The following C4orf51 variants were observed in gnomAD, a reference collection of about 807,000 sequenced individuals.
C4orf51 encodes the protein uncharacterized protein C4orf51.
C4orf51 carries 25 observed loss-of-function variants against 25.2 expected under a neutral mutation model. That is an observed-to-expected ratio of 0.99 (90% CI 0.72 to 1.39). C4orf51 has a LOEUF of 1.39. Among genes scored for constraint, C4orf51 ranks in the 40% most tolerant of loss-of-function variants. The pLI is 0.00. For missense variants in C4orf51, 252 were observed against 239.6 expected, an observed-to-expected ratio of 1.05 and a Z score of -0.34; for synonymous variants, 100 against 84.5, an observed-to-expected ratio of 1.18 and a Z score of -1.01.
chr4:145,686,353 A>C (rs1729150808), intron 1 of C4orf51, among the ~76,000 whole-genome samples: 1 of 152,228 alleles, frequency 6.6e-6, no homozygotes, highest in Non-Finnish European at 1.5e-5. Context: ...AACATTGTGA[A>C]TGTTCTTACT....
intron 1 of C4orf51, among the ~76,000 whole-genome samples, chr4:145,770,334 AT>A (rs57830557): frequency 0.36 from 53,562 of 149,520 alleles, 10,810 homozygotes; most frequent in Non-Finnish European, 0.47. Context: ...AAATAAATAA[AT>A]AAATAAATAA....
chr4:145,718,391 A>C (rs1306110474), intron 2 of C4orf51, among the ~76,000 whole-genome samples: 1 of 152,248 alleles, frequency 6.6e-6, no homozygotes, highest in Non-Finnish European at 1.5e-5. Flanking sequence ...GACAAGAACC[A>C]AGTAATATTC....
chr4:145,695,909 G>T (rs969034025), intron 1 of C4orf51, among the ~76,000 whole-genome samples: 1 of 152,174 alleles, frequency 6.6e-6, no homozygotes, highest in Non-Finnish European at 1.5e-5. Flanking sequence ...ACTAATGCAG[G>T]AACAGAAAAC....
intron 2 of C4orf51, among the ~76,000 whole-genome samples, chr4:145,723,914 G>A (rs1306333697): frequency 6.6e-6 from 1 of 152,166 alleles, no homozygotes; most frequent in Non-Finnish European, 1.5e-5. Context: ...CTTAACACTG[G>A]TGAAGAGGAA....
the C4orf51 span, among the ~76,000 whole-genome samples, chr4:145,784,590 T>C: frequency 1.3e-5 from 2 of 152,192 alleles, no homozygotes; most frequent in African/African-American, 4.8e-5. Flanking sequence ...AAAACTTCTT[T>C]TAGATTACTC....
chr4:145,732,164 G>A (rs1254316168), intron 5 of C4orf51, among the ~76,000 whole-genome samples: 1 of 152,188 alleles, frequency 6.6e-6, no homozygotes. Flanking sequence ...GGGAACTAAA[G>A]GAATTAGGGA....
intron 2 of C4orf51, among the ~76,000 whole-genome samples, chr4:145,704,427 A>C (rs1730666055): frequency 6.6e-6 from 1 of 152,212 alleles, no homozygotes; most frequent in South Asian, 2.1e-4. Flanking sequence ...CAGCCATTTA[A>C]AAATATGTCA....
chr4:145,760,985 C>A, intron 1 of C4orf51: 1 of 1,253,122 alleles, frequency 8.0e-7, no homozygotes, highest in Non-Finnish European at 1.0e-6. Context: ...CCGTTGAAGG[C>A]CAAAGCCTTG....
intron 2 of C4orf51, among the ~76,000 whole-genome samples, chr4:145,701,772 C>G (rs1299910524): frequency 6.6e-6 from 1 of 151,988 alleles, no homozygotes; most frequent in Non-Finnish European, 1.5e-5. Flanking sequence ...AAAAACTCCC[C>G]AACTCTGGTG....
intron 1 of C4orf51, among the ~76,000 whole-genome samples, chr4:145,737,941 CCAG>C (rs773080431): frequency 5.9e-5 from 9 of 152,030 alleles, no homozygotes; most frequent in Non-Finnish European, 8.8e-5. Context: ...GGGGTGGAAA[CCAG>C]ACAGGTTAAA....
chr4:145,737,963 T>C (rs1732891408), intron 1 of C4orf51, among the ~76,000 whole-genome samples: 1 of 152,192 alleles, frequency 6.6e-6, no homozygotes, highest in Admixed American at 6.5e-5. Flanking sequence ...AATTCATCTG[T>C]ATAGTAAAAT....
chr4:145,738,857 T>A (rs979382775), intron 1 of C4orf51, among the ~76,000 whole-genome samples: 20 of 152,124 alleles, frequency 1.3e-4, no homozygotes, highest in African/African-American at 4.8e-4. Context: ...CCCAGGCTGG[T>A]CTCAAACTTC....
At chr4:145,755,793 A>G (rs1342133392), downstream of C4orf51, among the ~76,000 whole-genome samples, 1 of 152,172 alleles carries the variant, frequency 6.6e-6, no homozygotes, top group Admixed American at 6.5e-5. Context: ...ATTCTGAGGG[A>G]ATGATGTAAG....
At chr4:145,749,246 C>A (rs777604361) in intron 1 of C4orf51, among the ~76,000 whole-genome samples, 5 of 151,870 alleles carry the variant, frequency 3.3e-5, no homozygotes, top group Non-Finnish European at 5.9e-5. Context: ...CATGAAATAT[C>A]TTTTTCCACC....
chr4:145,787,879 A>G, the C4orf51 span, among the ~76,000 whole-genome samples: 30 of 152,318 alleles, frequency 2.0e-4, no homozygotes, highest in Admixed American at 3.9e-4. Flanking sequence ...CATCTTGCAC[A>G]GGGTCAAGTA....
Position 145,741,319 on chromosome 4 carries a change from C to T in C4orf51, n.167+8700C>T, listed in dbSNP as rs573699439. ...CACAGCAGAGGGGTGAGGGGTAGGGCGACTTTTCATCCTTTGACCTTTTTT... is the reference window on the plus strand; with the variant it reads ...CACAGCAGAGGGGTGAGGGGTAGGGTGACTTTTCATCCTTTGACCTTTTTT... On this transcript the variant is annotated intron_variant and non_coding_transcript_variant, in intron 1 of 1. Coordinates refer to the C4orf51 transcript ENST00000508981. Among the ~76,000 whole-genome samples, 34 of 152,216 alleles carry T rather than the reference C, an allele frequency of 2.2e-4. No homozygotes were observed. The South Asian group carries it at 6.0e-3, about 27-fold the overall frequency.
rs202227019 is a variant in C4orf51 at position 145,692,953 on chromosome 4, G to GTTTTTTTTTTTT, written c.234-3591_234-3580dup. On this transcript the variant is annotated intron_variant, in intron 1 of 5. Coordinates refer to ENST00000438731, the MANE Select transcript of C4orf51 (RefSeq NM_001080531.3). The stretch of plus-strand genomic sequence containing the variant: ...TTACTCCGCTGATATTAAGTTTTTA[G>GTTTTTTTTTTTT]TTTTTTTTTTTTTTTTTTTTTTTTT... 1.3e-3 allele frequency among the ~76,000 whole-genome samples: 127 copies of GTTTTTTTTTTTT among 100,966 alleles called. 12 individuals are homozygous for GTTTTTTTTTTTT. Among genetic ancestry groups the GTTTTTTTTTTTT allele is most frequent in the Non-Finnish European group, 2.0e-3 (101 of 50,132 alleles). 66.2% of individuals were successfully genotyped at this position (100,966 alleles called of 152,430 possible).
intron 1 of C4orf51, among the ~76,000 whole-genome samples, chr4:145,687,550 T>A (rs1251111385): frequency 6.6e-6 from 1 of 152,244 alleles, no homozygotes; most frequent in African/African-American, 2.4e-5. Context: ...AGTCTTGGAC[T>A]CCTTCAATTG....
At chr4:145,735,877 T>A (rs1560858109), downstream of C4orf51, among the ~76,000 whole-genome samples, 1 of 152,214 alleles carries the variant, frequency 6.6e-6, no homozygotes, top group Non-Finnish European at 1.5e-5. Flanking sequence ...GGAACAGGCA[T>A]CACTCTGGTT....
Sources: allele counts gnomAD v4.1 joint callset (sites outside exome capture counted in the v4.1 genomes callset), GRCh38; gene constraint gnomAD v4.1.1; transcripts MANE v1.5; gene names NCBI Gene and HGNC (gene_info 2026-07-23, HGNC 2026-07-21).